The following ZNF25 variants were observed in gnomAD, a reference collection of about 807,000 sequenced individuals.
The protein encoded by ZNF25 is zinc finger protein 25, also known as zinc finger protein 25 (KOX 19).
ZNF25 carries 21 observed loss-of-function variants against 30.9 expected under a neutral mutation model. That is an observed-to-expected ratio of 0.68 (90% confidence interval 0.48 to 0.98). ZNF25 has a LOEUF of 0.98. Ranked by LOEUF, ZNF25 falls within the 50% of genes least tolerant of loss-of-function variation. The probability of loss-of-function intolerance (pLI) is 0.00; values close to 1 mark genes in which losing one functional copy is unlikely to be tolerated. For missense variants in ZNF25, 501 were observed against 529.9 expected (o/e 0.95, Z 0.54); for synonymous variants, 169 against 181.3 (o/e 0.93, Z 0.55).
intron 1 of ZNF25, among the ~76,000 whole-genome samples, chr10:37,975,337 T>C (rs967335562): frequency 1.3e-5 from 2 of 151,824 alleles, no homozygotes; most frequent in East Asian, 3.9e-4. Context: ...ACACATTGTA[T>C]GCATATATCA....
At position 37,971,709 on chromosome 10, in the gene ZNF25, T is replaced by G; in HGVS notation, c.14A>C (p.Gln5Pro). The G allele has an allele frequency of 6.2e-7, 1 of 1,613,370 alleles. No homozygotes were observed. The highest frequency in any genetic ancestry group is 8.5e-7 in the Non-Finnish European group (1 of 1,179,886). Residue 5 changes from glutamine (Q) to proline (P), a missense_variant and splice_region_variant, in exon 2 of 6, where the codon CAG becomes CCG. Transcript: ENST00000302609. ...GTTAGGGCTAAGTAAATGACTCACC[T>G]GGAACTTGTTCATTTTCTGCTGCTC... MNKFQGPVTLKDVIV... is the reference protein window; with the variant it reads MNKFPGPVTLKDVIV...
At chr10:37,974,646 C>A (rs1193133929) in intron 1 of ZNF25, among the ~76,000 whole-genome samples, 1 of 152,120 alleles carries the variant, frequency 6.6e-6, no homozygotes, top group East Asian at 1.9e-4. Context: ...AAGGAGAACC[C>A]TCATACAACC....
At chr10:37,969,240 A>G (rs773720820) in intron 2 of ZNF25, among the ~76,000 whole-genome samples, 2 of 152,216 alleles carry the variant, frequency 1.3e-5, no homozygotes, top group Non-Finnish European at 2.9e-5. Flanking sequence ...TAAACATAGA[A>G]TTGCCATACA....
intron 2 of ZNF25, among the ~76,000 whole-genome samples, chr10:37,959,008 C>T (rs556339607): frequency 6.6e-6 from 1 of 152,326 alleles, no homozygotes; most frequent in African/African-American, 2.4e-5. Flanking sequence ...AAGATCGTGC[C>T]ACTGAACTCC....
intron 2 of ZNF25, among the ~76,000 whole-genome samples, chr10:37,969,893 C>A (rs2063392091): frequency 6.6e-6 from 1 of 152,110 alleles, no homozygotes. Flanking sequence ...TAATTTCTTC[C>A]ATAAAACCAA....
At chr10:37,965,865 T>C (rs536498766) in intron 2 of ZNF25, among the ~76,000 whole-genome samples, 1 of 152,254 alleles carries the variant, frequency 6.6e-6, no homozygotes, top group Non-Finnish European at 1.5e-5. Context: ...AAAAATATAA[T>C]TTGTGACAGT....
chr10:37,951,769 G>C lies in ZNF25; in HGVS notation c.*358C>G. ...ATTTGTGAGCTTTTGGATGTCTACA[G>C]CTGGCTGCCCTGACAGAAAATGTCT... On this transcript the variant is annotated 3_prime_UTR_variant, in exon 6 of 6. Coordinates refer to ENST00000302609, the MANE Select transcript of ZNF25 (RefSeq NM_145011.4). 1 of 194,556 alleles carries C rather than the reference G, an allele frequency of 5.1e-6. No homozygotes were observed. Among genetic ancestry groups the C allele is most frequent in the African/African-American group, 2.3e-5 (1 of 42,998 alleles). The allele number at this position is 194,556 out of a possible 1,614,324, so 12.1% of individuals were successfully genotyped here.
chr10:37,951,215 A>C lies in ZNF25; in HGVS notation c.*912T>G, dbSNP rs760708317. ...TTACACTTACAATACAAATATTAAC[A>C]ACCAGAGTCACTACTGAGACTTAAT... On this transcript the variant is annotated 3_prime_UTR_variant, in exon 6 of 6. Coordinates refer to ENST00000302609, the MANE Select transcript of ZNF25 (RefSeq NM_145011.4). The C allele has an allele frequency of 6.6e-6, 1 of 152,274 alleles. No homozygotes were observed. The highest frequency in any genetic ancestry group is 1.5e-5 in the Non-Finnish European group (1 of 68,040). The allele number at this position is 152,274 out of a possible 1,614,324, so 9.4% of individuals were successfully genotyped here.
intron 2 of ZNF25, among the ~76,000 whole-genome samples, chr10:37,958,786 G>A (rs1330451270): frequency 2.0e-5 from 3 of 151,858 alleles, no homozygotes; most frequent in South Asian, 2.1e-4. Flanking sequence ...AGTGGCCCAC[G>A]CCTGTAATCC....
chr10:37,960,043 T>C (rs1439420687), intron 2 of ZNF25, among the ~76,000 whole-genome samples: 2 of 152,042 alleles, frequency 1.3e-5, no homozygotes, highest in Non-Finnish European at 2.9e-5. Flanking sequence ...GCCTCCCGAG[T>C]AGCTGGGACT....
intron 1 of ZNF25, among the ~76,000 whole-genome samples, chr10:37,972,306 G>A (rs571493029): frequency 1.6e-4 from 24 of 152,210 alleles, no homozygotes; most frequent in African/African-American, 5.8e-4. Flanking sequence ...ACCTTCTTTT[G>A]ATATAAATAT....
In ZNF25 at chr10:37,963,847, C is replaced by T. The variant is rs116975296; in HGVS notation, c.16-6301G>A. Among the ~76,000 whole-genome samples the T allele has an allele frequency of 6.5e-3, 994 of 152,190 alleles. 11 individuals are homozygous for T. The highest frequency in any genetic ancestry group is 0.054 in the South Asian group (261 of 4,818). On this transcript the variant is annotated intron_variant, in intron 2 of 5. Transcript: ENST00000302609. ...AAAATTAGGCGGGTGTGGTGGTCCA[C>T]GCCTGTAGTCTCAACTACTTGGGAA...
chr10:37,972,128 T>C (rs1388634952), intron 1 of ZNF25, among the ~76,000 whole-genome samples: 3 of 152,230 alleles, frequency 2.0e-5, no homozygotes, highest in African/African-American at 7.2e-5. Flanking sequence ...CTAGAAATGA[T>C]GTTGAAGAGA....
intron 2 of ZNF25, among the ~76,000 whole-genome samples, chr10:37,960,389 C>G (rs958324394): frequency 6.8e-6 from 1 of 146,046 alleles, no homozygotes; most frequent in Non-Finnish European, 1.5e-5. Context: ...CTGAGGCGGG[C>G]GGATCACGAG....
intron 4 of ZNF25, among the ~76,000 whole-genome samples, chr10:37,954,323 C>T (rs1316205103): frequency 6.6e-6 from 1 of 152,168 alleles, no homozygotes; most frequent in African/African-American, 2.4e-5. Flanking sequence ...GTGTCAATTA[C>T]TAAAGTGACT....
intron 1 of ZNF25, among the ~76,000 whole-genome samples, chr10:37,975,745 C>G (rs2063772006): frequency 6.6e-6 from 1 of 152,128 alleles, no homozygotes; most frequent in Admixed American, 6.5e-5. Context: ...TGAAGATTCC[C>G]CAAGCATTTT....
At chr10:37,975,392 A>G (rs1282288737) in intron 1 of ZNF25, among the ~76,000 whole-genome samples, 1 of 151,660 alleles carries the variant, frequency 6.6e-6, no homozygotes, top group Non-Finnish European at 1.5e-5. Context: ...TGTACCAAAA[A>G]AAAAAACTAA....
intron 2 of ZNF25, among the ~76,000 whole-genome samples, chr10:37,958,663 T>C (rs2062673994): frequency 6.6e-6 from 1 of 152,076 alleles, no homozygotes; most frequent in African/African-American, 2.4e-5. Context: ...CTCAGGCCTG[T>C]AACACCAGCT....
Position 37,952,714 on chromosome 10 carries a change from C to T in ZNF25, c.784G>A (p.Glu262Lys). 1.9e-6 allele frequency: 3 copies of T among 1,612,206 alleles called. No individual in the cohort carries two copies. The highest frequency in any genetic ancestry group is 2.5e-6 in the Non-Finnish European group (3 of 1,179,484). The part of the protein sequence containing the change: ...HTGEKPYECK[E>K]CGKAFSQKSH... Reference sequence around the variant, plus strand: ...TTCTGGGAAAAGGCTTTCCCACACTCCTTACACTCATAGGGTTTCTCCCCT... The same window carrying T: ...TTCTGGGAAAAGGCTTTCCCACACTTCTTACACTCATAGGGTTTCTCCCCT... Residue 262 changes from glutamate (E) to lysine (K), a missense_variant, in exon 6 of 6, where the codon GAG (glutamate) becomes AAG (lysine). Glu to Lys is a moderately conservative substitution (Grantham distance 56). Coordinates refer to ENST00000302609, the MANE Select transcript of ZNF25 (RefSeq NM_145011.4).
Sources: allele counts gnomAD v4.1 joint callset (sites outside exome capture counted in the v4.1 genomes callset), GRCh38; gene constraint gnomAD v4.1.1; transcripts MANE v1.5; gene names NCBI Gene and HGNC (gene_info 2026-07-23, HGNC 2026-07-21).